COMMD1: variants seen among roughly 807,000 people sequenced by gnomAD.
COMMD1 encodes COMM domain-containing protein 1.
In COMMD1, 10 loss-of-function variants were observed where a neutral mutation model predicts 17.2. That is an observed-to-expected ratio of 0.58 (90% CI 0.36 to 0.99). The LOEUF is 0.99. Among genes scored for constraint, COMMD1 ranks in the 50% least tolerant of loss-of-function variants. The pLI is 0.01. For missense variants in COMMD1, 270 were observed against 231.8 expected (o/e 1.17, Z -1.07); for synonymous variants, 97 against 91.6 (o/e 1.06, Z -0.34).
intron 1 of COMMD1, among the ~76,000 whole-genome samples, chr2:61,929,573 T>C (rs1670412322): frequency 6.6e-6 from 1 of 152,178 alleles, no homozygotes; most frequent in East Asian, 1.9e-4. Flanking sequence ...AGCATAACAA[T>C]ATTCAGGTTC....
At chr2:61,913,819 A>AGT (rs1453111293) in intron 1 of COMMD1, among the ~76,000 whole-genome samples, 1 of 122,962 alleles carries the variant, frequency 8.1e-6, no homozygotes, top group Non-Finnish European at 1.7e-5. Flanking sequence ...AAAAAAAAAG[A>AGT]AAAGTGTGTT....
At chr2:62,051,080 G>A (rs1471940879) in intron 2 of COMMD1, among the ~76,000 whole-genome samples, 1 of 152,084 alleles carries the variant, frequency 6.6e-6, no homozygotes, top group Admixed American at 6.6e-5. Flanking sequence ...AGACTATAAA[G>A]AAGTTTACAG....
At chr2:61,988,737 G>C (rs960336091) in intron 1 of COMMD1, among the ~76,000 whole-genome samples, 17 of 152,246 alleles carry the variant, frequency 1.1e-4, no homozygotes, top group African/African-American at 3.1e-4. Flanking sequence ...AGACTTTCCT[G>C]TAAGTTTCAG....
Position 62,063,868 on chromosome 2 carries a change from A to AAAAT in COMMD1, c.462+62887_462+62888insAATA, listed in dbSNP as rs1298677997. 3.7e-5 allele frequency among the ~76,000 whole-genome samples: 3 copies of AAAAT among 81,176 alleles called. 1 individual carries two copies. The highest frequency in any genetic ancestry group is 1.5e-4 in the African/African-American group (3 of 20,436). 53.3% of individuals were successfully genotyped at this position (81,176 alleles called of 152,430 possible). ...CAACATAGTGACACTGTCTCTACAA[A>AAAAT]ATATATATATATATATATATATATA... is the stretch of plus-strand genomic sequence containing the variant. On this transcript the variant is annotated intron_variant, in intron 2 of 2. Transcript: ENST00000311832.
At chr2:62,029,880 G>A (rs1013873567) in intron 2 of COMMD1, among the ~76,000 whole-genome samples, 3 of 152,180 alleles carry the variant, frequency 2.0e-5, no homozygotes, top group Non-Finnish European at 4.4e-5. Flanking sequence ...AAAAATTACC[G>A]ACAAGAAGCA....
intron 1 of COMMD1, among the ~76,000 whole-genome samples, chr2:61,935,126 G>C (rs1171164250): frequency 6.6e-6 from 1 of 152,192 alleles, no homozygotes; most frequent in Non-Finnish European, 1.5e-5. Flanking sequence ...GGAGAAGCTA[G>C]AGTCTCAATA....
chr2:62,086,380 G>A (rs748595294), intron 2 of COMMD1, among the ~76,000 whole-genome samples: 4 of 151,698 alleles, frequency 2.6e-5, no homozygotes, highest in Admixed American at 1.3e-4. Context: ...GCCTGGCGGC[G>A]TGCGCCTGTA....
At chr2:61,933,030 A>G (rs1670509572) in intron 1 of COMMD1, among the ~76,000 whole-genome samples, 1 of 151,874 alleles carries the variant, frequency 6.6e-6, no homozygotes, top group South Asian at 2.1e-4. Context: ...TATGTGGAGG[A>G]TTTTACTGGG....
At chr2:62,030,436 G>A (rs932230995) in intron 2 of COMMD1, among the ~76,000 whole-genome samples, 3 of 152,126 alleles carry the variant, frequency 2.0e-5, no homozygotes, top group African/African-American at 7.2e-5. Flanking sequence ...TGTTTTCTGA[G>A]CTCCAGTAGA....
intron 1 of COMMD1, among the ~76,000 whole-genome samples, chr2:61,918,079 G>A (rs1479225802): frequency 6.6e-6 from 1 of 152,190 alleles, no homozygotes; most frequent in African/African-American, 2.4e-5. Context: ...GATAAAGTAT[G>A]CTAGAAGCAA....
chr2:62,003,420 A>G (rs1001809004), intron 2 of COMMD1, among the ~76,000 whole-genome samples: 3 of 151,928 alleles, frequency 2.0e-5, no homozygotes, highest in African/African-American at 7.3e-5. Flanking sequence ...GGGCGCCTGT[A>G]ATCCCAGCTA....
In COMMD1 at chr2:61,939,171, T is replaced by C. The variant is rs1446463137; in HGVS notation, c.180+33313T>C. 2.0e-5 allele frequency among the ~76,000 whole-genome samples: 3 copies of C among 151,834 alleles called. No homozygotes were observed. In the East Asian group the frequency reaches 5.8e-4, roughly 29 times the overall value. ...AAAGTGCAGCAAGAATTGATTGGCTTGGCCGGGCGCGGTGGCTCACACCTG... is the reference window on the plus strand; with the variant it reads ...AAAGTGCAGCAAGAATTGATTGGCTCGGCCGGGCGCGGTGGCTCACACCTG... On this transcript the variant is annotated intron_variant, in intron 1 of 2. Coordinates refer to ENST00000311832, the MANE Select transcript of COMMD1 (RefSeq NM_152516.4).
intron 1 of COMMD1, among the ~76,000 whole-genome samples, chr2:62,000,044 T>C (rs1668882528): frequency 6.6e-6 from 1 of 151,064 alleles, no homozygotes; most frequent in African/African-American, 2.4e-5. Flanking sequence ...TGCCTCAGCC[T>C]CCCGAGTAGC....
chr2:61,893,287 TTTC>T (rs1669478350), intron 1 of COMMD1, among the ~76,000 whole-genome samples: 1 of 151,984 alleles, frequency 6.6e-6, no homozygotes, highest in Non-Finnish European at 1.5e-5. Flanking sequence ...TTTTTGTTAC[TTTC>T]TAACCTTCCC....
chr2:62,070,801 G>T (rs181335751), intron 2 of COMMD1, among the ~76,000 whole-genome samples: 2 of 152,208 alleles, frequency 1.3e-5, no homozygotes, highest in African/African-American at 2.4e-5. Flanking sequence ...AGGCCAAGGC[G>T]TGCAGATCAG....
intron 2 of COMMD1, among the ~76,000 whole-genome samples, chr2:62,063,084 G>T (rs1670915384): frequency 6.6e-6 from 1 of 151,986 alleles, no homozygotes; most frequent in South Asian, 2.1e-4. Context: ...GGGTGTGGTG[G>T]CAGGTGCCTG....
intron 2 of COMMD1, among the ~76,000 whole-genome samples, chr2:62,128,678 C>T (rs1010343931): frequency 2.0e-5 from 3 of 152,088 alleles, no homozygotes; most frequent in African/African-American, 7.2e-5. Context: ...CAAGACCAGG[C>T]ACGGTGGCTC....
intron 2 of COMMD1, among the ~76,000 whole-genome samples, chr2:62,012,262 CACACACAT>C (rs200617426): frequency 0.012 from 1,266 of 105,632 alleles, 21 homozygotes; most frequent in African/African-American, 0.045. Context: ...GTCTCAAACA[CACACACAT>C]ACACACACAC....
chr2:62,054,647 G>A (rs1411491394), intron 2 of COMMD1, among the ~76,000 whole-genome samples: 1 of 152,078 alleles, frequency 6.6e-6, no homozygotes, highest in African/African-American at 2.4e-5. Context: ...AATAGGTGCT[G>A]AAAAAAATGT....
Sources: gnomAD v4.1 joint callset for allele counts (sites outside exome capture counted in the v4.1 genomes callset) on GRCh38, gnomAD v4.1.1 for gene constraint, MANE v1.5 for transcripts, NCBI Gene and HGNC (gene_info 2026-07-23, HGNC 2026-07-21) for gene names.